The following MCC variants were observed in gnomAD, a reference collection of about 807,000 sequenced individuals.
MCC encodes MCC regulator of Wnt signaling pathway, also known as colorectal mutant cancer protein.
A neutral mutation model predicts 116.2 loss-of-function variants in MCC; 90 were observed. The ratio of observed to expected loss-of-function variants is 0.77; its 90% CI spans 0.65 to 0.92. The LOEUF (loss-of-function observed/expected upper bound fraction) is 0.92. Ranked by LOEUF, MCC falls within the 40% of genes least tolerant of loss-of-function variation. MCC has a pLI of 0.00. For synonymous variants in MCC, 578 were observed against 510.5 expected (o/e 1.13, Z -1.78); for missense variants, 1,516 against 1,312.2 (o/e 1.16, Z -2.40).
intron 3 of MCC, among the ~76,000 whole-genome samples, chr5:113,281,191 C>T (rs1054690600): frequency 1.3e-5 from 2 of 152,196 alleles, no homozygotes; most frequent in East Asian, 3.8e-4. Flanking sequence ...TCCTCTCAAA[C>T]CTCCAGCCAT....
At chr5:113,196,300 A>G (rs1867326) in intron 3 of MCC, among the ~76,000 whole-genome samples, 148,782 of 152,260 alleles carry the variant, frequency 0.98, 72,788 homozygotes, top group Middle Eastern at 1. Context: ...GGTCACAGTC[A>G]GGTGCCCAGG....
intron 3 of MCC, among the ~76,000 whole-genome samples, chr5:113,195,314 C>T (rs933662334): frequency 4.6e-5 from 7 of 152,192 alleles, no homozygotes; most frequent in Non-Finnish European, 1.0e-4. Context: ...CACATACAGG[C>T]AGAAAGCAAA....
Position 113,340,651 on chromosome 5 carries a change from C to G in MCC, c.495G>C (p.Gln165His), listed in dbSNP as rs2150378834. The stretch of plus-strand genomic sequence containing the variant: ...ACTCGAGCAGCTTCTGGAGGGCTGA[C>G]TGGCTCTGCACATCCGGGCTCTGGA... ...RDLQSPDVQS[Q>H]SALQKLLEYG... Residue 165 changes from glutamine to histidine, a missense_variant, in exon 3 of 19, where the codon CAG (glutamine) becomes CAC (histidine). Transcript: ENST00000408903. The G allele has an allele frequency of 1.2e-6, 2 of 1,614,150 alleles. No individual in the cohort carries two copies. Among genetic ancestry groups the G allele is most frequent in the Non-Finnish European group, 1.7e-6 (2 of 1,180,026 alleles).
At chr5:113,311,463 G>C (rs1273778324) in intron 3 of MCC, among the ~76,000 whole-genome samples, 1 of 152,120 alleles carries the variant, frequency 6.6e-6, no homozygotes, top group African/African-American at 2.4e-5. Context: ...CCAAACCAAG[G>C]TCTGGCCAGA....
At chr5:113,473,927 G>GA (rs891163461) in intron 1 of MCC, among the ~76,000 whole-genome samples, 1 of 152,058 alleles carries the variant, frequency 6.6e-6, no homozygotes, top group Admixed American at 6.5e-5. Context: ...AAAGCTGACA[G>GA]AAAAAATCCC....
chr5:113,230,257 T>A (rs1220053850), intron 3 of MCC, among the ~76,000 whole-genome samples: 1 of 152,240 alleles, frequency 6.6e-6, no homozygotes, highest in African/African-American at 2.4e-5. Flanking sequence ...TCATTAAGAA[T>A]TCAATTTGAA....
intron 8 of MCC, among the ~76,000 whole-genome samples, chr5:113,089,142 T>G (rs1755420915): frequency 6.6e-6 from 1 of 152,164 alleles, no homozygotes; most frequent in Non-Finnish European, 1.5e-5. Context: ...TCACTTCTCC[T>G]GAAGTTACTG....
At chr5:113,257,249 G>C (rs1765042928) in intron 3 of MCC, among the ~76,000 whole-genome samples, 1 of 152,164 alleles carries the variant, frequency 6.6e-6, no homozygotes, top group Non-Finnish European at 1.5e-5. Context: ...TGTGGGTCCA[G>C]AGTTCAGGCT....
chr5:113,257,486 G>T (rs1262372220), intron 3 of MCC, among the ~76,000 whole-genome samples: 1 of 152,108 alleles, frequency 6.6e-6, no homozygotes, highest in South Asian at 2.1e-4. Flanking sequence ...AACAGAATCT[G>T]ATCAGGAACA....
At chr5:113,401,485 C>T (rs1437098314) in intron 1 of MCC, among the ~76,000 whole-genome samples, 1 of 152,152 alleles carries the variant, frequency 6.6e-6, no homozygotes, top group Non-Finnish European at 1.5e-5. Flanking sequence ...ATCCACAGAG[C>T]CTGCTACCAG....
At chr5:113,144,912 G>T (rs531432105) in intron 4 of MCC, among the ~76,000 whole-genome samples, 2 of 152,250 alleles carry the variant, frequency 1.3e-5, no homozygotes, top group East Asian at 3.9e-4. Context: ...GGGAACAAAG[G>T]CAAGGATCAA....
intron 3 of MCC, among the ~76,000 whole-genome samples, chr5:113,193,775 G>C (rs1165271888): frequency 6.6e-6 from 1 of 152,100 alleles, no homozygotes; most frequent in African/African-American, 2.4e-5. Context: ...TTTGTTTATG[G>C]GGTCAATTTG....
intron 3 of MCC, among the ~76,000 whole-genome samples, chr5:113,266,179 G>A (rs1344890695): frequency 2.0e-5 from 3 of 151,860 alleles, no homozygotes; most frequent in African/African-American, 7.3e-5. Context: ...GTCCTGGCTG[G>A]AGTCAACCTC....
Position 113,340,670 on chromosome 5 carries a change from C to A in MCC, c.476G>T (p.Ser159Ile). The change falls in exon 3 of 19, where the codon AGC becomes ATC. Residue 159 changes from serine (S) to isoleucine (I), a missense_variant. Ser to Ile is a moderately radical substitution (Grantham distance 142). Coordinates refer to ENST00000408903, the MANE Select transcript of MCC (RefSeq NM_001085377.2). ...EYDSGARDLQ[S>I]PDVQSQSALQ... ...GGCTGACTGGCTCTGCACATCCGGG[C>A]TCTGGAGGTCCCTGGCACCAGAGTC... The A allele has an allele frequency of 6.2e-7, 1 of 1,614,078 alleles. No homozygotes were observed. The highest frequency in any genetic ancestry group is 8.5e-7 in the Non-Finnish European group (1 of 1,180,020).
intron 3 of MCC, among the ~76,000 whole-genome samples, chr5:113,172,018 G>A (rs900223091): frequency 6.6e-6 from 1 of 152,216 alleles, no homozygotes; most frequent in Non-Finnish European, 1.5e-5. Context: ...TACTATGGGA[G>A]CACTGAGGGG....
At chr5:113,064,846 T>C (rs1209558220) in intron 13 of MCC, among the ~76,000 whole-genome samples, 1 of 152,192 alleles carries the variant, frequency 6.6e-6, no homozygotes, top group Admixed American at 6.5e-5. Flanking sequence ...AATGTTCACA[T>C]TCCTATTGTG....
chr5:113,027,838 A>C (rs4705750), intron 18 of MCC, among the ~76,000 whole-genome samples: 66,214 of 152,064 alleles, frequency 0.44, 15,934 homozygotes, highest in East Asian at 0.63. Flanking sequence ...GTTGCTTGCA[A>C]CATAGTCAAG....
chr5:113,280,544 T>C (rs1766004436), intron 3 of MCC, among the ~76,000 whole-genome samples: 1 of 152,102 alleles, frequency 6.6e-6, no homozygotes, highest in African/African-American at 2.4e-5. Flanking sequence ...TGAGGAGTGT[T>C]GCCAGACTTC....
chr5:113,444,775 T>G (rs957152268), intron 1 of MCC, among the ~76,000 whole-genome samples: 1 of 152,190 alleles, frequency 6.6e-6, no homozygotes, highest in African/African-American at 2.4e-5. Context: ...AATATTACAG[T>G]TCTCTATATT....
Sources: allele counts gnomAD v4.1 joint callset (sites outside exome capture counted in the v4.1 genomes callset), GRCh38; gene constraint gnomAD v4.1.1; transcripts MANE v1.5; gene names NCBI Gene and HGNC (gene_info 2026-07-23, HGNC 2026-07-21).